Variants in GABRR1 observed in about 807,000 individuals in gnomAD.
The protein encoded by GABRR1 is gamma-aminobutyric acid receptor subunit rho-1.
GABRR1 carries 59 observed loss-of-function variants against 55.5 expected under a neutral mutation model. The observed-to-expected ratio is 1.06, with a 90% CI of 0.86 to 1.32. The LOEUF is 1.32. Among genes scored for constraint, GABRR1 ranks in the 40% most tolerant of loss-of-function variants. The pLI is 0.00. For missense variants in GABRR1, 602 were observed against 619.1 expected, an observed-to-expected ratio of 0.97 and a Z score of 0.29; for synonymous variants, 213 against 226.0, an observed-to-expected ratio of 0.94 and a Z score of 0.51.
Position 89,177,998 on chromosome 6 carries a change from A to G in GABRR1, c.*772T>C, listed in dbSNP as rs1369789744. On this transcript the variant is annotated 3_prime_UTR_variant, in exon 10 of 10. Coordinates refer to ENST00000454853, the MANE Select transcript of GABRR1 (RefSeq NM_002042.5). ...AACAAGGACATGCTCCAAGAAGAAGAAACATGAAGTGGTGATTATATAAAA... is the reference window on the plus strand; with the variant it reads ...AACAAGGACATGCTCCAAGAAGAAGGAACATGAAGTGGTGATTATATAAAA... 5 of 152,224 alleles carry G rather than the reference A, an allele frequency of 3.3e-5. No individual in the cohort carries two copies. The highest frequency in any genetic ancestry group is 7.3e-5 in the Non-Finnish European group (5 of 68,050). The allele number at this position is 152,224 out of a possible 1,614,324, so 9.4% of individuals were successfully genotyped here.
chr6:89,198,070 G>C lies in GABRR1; in HGVS notation c.522C>G (p.Asp174Glu). The part of the protein sequence containing the change: ...KRSFIHDTTT[D>E]NVMLRVQPDG... The stretch of plus-strand genomic sequence containing the variant: ...CAGGCTGGACCCGCAACATGACGTT[G>C]TCTGTGGTGGTGTCGTGGATGAAGG... Residue 174 changes from aspartate to glutamate, a missense_variant, in exon 5 of 10, where the codon GAC becomes GAG. Transcript: ENST00000454853. 2 of 1,614,144 alleles carry C rather than the reference G, an allele frequency of 1.2e-6. No homozygotes were observed. The highest frequency in any genetic ancestry group is 1.7e-6 in the Non-Finnish European group (2 of 1,180,020).
intron 7 of GABRR1, among the ~76,000 whole-genome samples, chr6:89,182,882 GA>G (rs1274570319): frequency 1.3e-5 from 2 of 151,198 alleles, no homozygotes; most frequent in East Asian, 1.9e-4. Context: ...TCTCTATTAG[GA>G]AAAAAAATAA....
intron 1 of GABRR1, among the ~76,000 whole-genome samples, chr6:89,211,959 T>C (rs923140666): frequency 5.9e-5 from 9 of 152,178 alleles, no homozygotes; most frequent in African/African-American, 1.9e-4. Context: ...TTGCCACCTA[T>C]GGGGACTCCC....
intron 3 of GABRR1, among the ~76,000 whole-genome samples, chr6:89,200,150 C>T (rs889467903): frequency 6.6e-6 from 1 of 151,252 alleles, no homozygotes; most frequent in African/African-American, 2.4e-5. Flanking sequence ...GGATTGGGGA[C>T]TGCATAGAGA....
chr6:89,184,189 C>T (rs995758257), intron 7 of GABRR1, among the ~76,000 whole-genome samples: 1 of 148,882 alleles, frequency 6.7e-6, no homozygotes, highest in African/African-American at 2.5e-5. Flanking sequence ...GCAGTGAGCC[C>T]AGACCTGGCC....
rs201812835 is a variant in GABRR1 at position 89,198,098 on chromosome 6, C to T, written c.494G>A (p.Arg165His). The change falls in exon 5 of 10, where the codon CGC becomes CAC. Residue 165 changes from arginine (R) to histidine (H), a missense_variant. Transcript: ENST00000454853. ...VPDMFFVHSK[R>H]SFIHDTTTDN... ...TGTGGTGGTGTCGTGGATGAAGGAGCGTTTGGAGTGCACGAAAAACATGTC... is the reference window on the plus strand; with the variant it reads ...TGTGGTGGTGTCGTGGATGAAGGAGTGTTTGGAGTGCACGAAAAACATGTC... 3.7e-5 allele frequency: 59 copies of T among 1,613,946 alleles called. No homozygotes were observed. The highest frequency in any genetic ancestry group is 4.3e-5 in the Non-Finnish European group (51 of 1,180,042).
chr6:89,180,593 T>C lies in GABRR1; in HGVS notation c.950-105A>G, dbSNP rs970841048. On this transcript the variant is annotated intron_variant, in intron 8 of 9. Transcript: ENST00000454853. ...TCCCTGCTGCTCCCTCAATCTAGAATGTCTCCATCCCTGCTCCACTGCCCA... is the reference window on the plus strand; with the variant it reads ...TCCCTGCTGCTCCCTCAATCTAGAACGTCTCCATCCCTGCTCCACTGCCCA... The C allele has an allele frequency of 1.7e-5, 23 of 1,358,754 alleles. No individual in the cohort carries two copies. In the African/African-American group the frequency reaches 2.6e-4, roughly 15 times the overall value. 84.2% of individuals were successfully genotyped at this position (1,358,754 alleles called of 1,614,324 possible).
Position 89,179,078 on chromosome 6 carries a change from C to T in GABRR1, c.1147-15G>A. ...GTGCAGGGAAGCTGCAAACAGTAAA[C>T]ACATGTTGGGGTGTGAGCTCAGCAT... is the stretch of plus-strand genomic sequence containing the variant. On this transcript the variant is annotated splice_polypyrimidine_tract_variant and intron_variant, in intron 9 of 9. Transcript: ENST00000454853. 1 of 1,610,140 alleles carries T rather than the reference C, an allele frequency of 6.2e-7. No homozygotes were observed. The highest frequency in any genetic ancestry group is 8.5e-7 in the Non-Finnish European group (1 of 1,178,918).
At chr6:89,206,913 C>T (rs1332328566) in intron 1 of GABRR1, among the ~76,000 whole-genome samples, 1 of 151,990 alleles carries the variant, frequency 6.6e-6, no homozygotes, top group Non-Finnish European at 1.5e-5. Context: ...CCACCATGCC[C>T]GGCCTCTACG....
intron 5 of GABRR1, among the ~76,000 whole-genome samples, chr6:89,196,753 GGC>G (rs1772285115): frequency 6.7e-6 from 1 of 149,224 alleles, no homozygotes; most frequent in African/African-American, 2.5e-5. Flanking sequence ...CTCCAGCCTG[GGC>G]AATAGAGCAA....
chr6:89,181,997 A>T lies in GABRR1; in HGVS notation c.857T>A (p.Leu286His). Reference sequence around the variant, plus strand: ...CAGGGTAGCGGGGAAATAAGTTTGGAGCAAGAAGAAGAAGATGTGGCGACG... The same window carrying T: ...CAGGGTAGCGGGGAAATAAGTTTGGTGCAAGAAGAAGAAGATGTGGCGACG... ...TLRRHIFFFL[L>H]QTYFPATLMV... is the part of the protein sequence containing the mutation. The change falls in exon 8 of 10, where the codon CTC becomes CAC. Residue 286 changes from leucine (L) to histidine (H), a missense_variant. Coordinates refer to ENST00000454853, the MANE Select transcript of GABRR1 (RefSeq NM_002042.5). 6.2e-7 allele frequency: 1 copy of T among 1,614,144 alleles called. No homozygotes were observed. Among genetic ancestry groups the T allele is most frequent in the Non-Finnish European group, 8.5e-7 (1 of 1,180,026 alleles).
chr6:89,218,482 C>T (rs1773059318), upstream of GABRR1, among the ~76,000 whole-genome samples: 1 of 152,144 alleles, frequency 6.6e-6, no homozygotes, highest in African/African-American at 2.4e-5. Context: ...CTTTTATAAA[C>T]CAGAATGAAG....
At chr6:89,189,495 A>G (rs1240205543) in intron 6 of GABRR1, among the ~76,000 whole-genome samples, 8 of 114,056 alleles carry the variant, frequency 7.0e-5, no homozygotes, top group African/African-American at 2.4e-4. Flanking sequence ...GGAATATCAC[A>G]CTCTGGGGAC....
chr6:89,184,264 A>AAAAT (rs1771823285), intron 7 of GABRR1, among the ~76,000 whole-genome samples: 2 of 149,716 alleles, frequency 1.3e-5, no homozygotes, highest in Admixed American at 6.8e-5. Flanking sequence ...AAAAAAAAAA[A>AAAAT]AAATTCCTAG....
At chr6:89,187,600 C>T (rs1771947651) in intron 6 of GABRR1, among the ~76,000 whole-genome samples, 1 of 152,184 alleles carries the variant, frequency 6.6e-6, no homozygotes, top group Non-Finnish European at 1.5e-5. Context: ...GCTCCATACC[C>T]ATTTAACAAT....
In GABRR1 at chr6:89,185,306, T is replaced by C; in HGVS notation, c.796+4A>G. 6.2e-7 allele frequency: 1 copy of C among 1,614,010 alleles called. No individual in the cohort carries two copies. The highest frequency in any genetic ancestry group is 1.3e-5 in the African/African-American group (1 of 75,050). On this transcript the variant is annotated splice_donor_region_variant and intron_variant, in intron 7 of 9. Transcript: ENST00000454853. ...CTGACTCTCAGCCCTCACTCTACAC[T>C]TACCTGTGCTGCTGTAGAAAGCCAG...
At chr6:89,223,041 G>A (rs1255838466) in intron 1 of GABRR1, among the ~76,000 whole-genome samples, 1 of 151,942 alleles carries the variant, frequency 6.6e-6, no homozygotes, top group Non-Finnish European at 1.5e-5. Flanking sequence ...CAATGTCCTT[G>A]TCTAGATTTT....
chr6:89,211,810 C>G (rs1377941044), intron 1 of GABRR1, among the ~76,000 whole-genome samples: 1 of 152,142 alleles, frequency 6.6e-6, no homozygotes, highest in Non-Finnish European at 1.5e-5. Flanking sequence ...GCTCTATACC[C>G]ATTTCTCTGA....
intron 1 of GABRR1, among the ~76,000 whole-genome samples, chr6:89,224,192 G>A (rs763204417): frequency 7.2e-5 from 11 of 152,120 alleles, no homozygotes; most frequent in Admixed American, 2.6e-4. Flanking sequence ...GAGTTCAAGC[G>A]ATTCTCCTAC....
Sources: gnomAD v4.1 joint callset for allele counts (sites outside exome capture counted in the v4.1 genomes callset) on GRCh38, gnomAD v4.1.1 for gene constraint, MANE v1.5 for transcripts, NCBI Gene and HGNC (gene_info 2026-07-23, HGNC 2026-07-21) for gene names.